Variants in SULT6B1 observed in about 807,000 individuals in gnomAD.
The protein encoded by SULT6B1 is sulfotransferase family 6B member 1.
In SULT6B1, 44 loss-of-function variants were observed where a neutral mutation model predicts 37.2. The observed-to-expected ratio is 1.18, with a 90% CI of 0.93 to 1.52. SULT6B1 has a LOEUF of 1.52. SULT6B1 is among the 40% of genes most tolerant of loss of function. The pLI is 0.00. For missense variants in SULT6B1, 450 were observed against 361.0 expected (o/e 1.25, Z -2.00); for synonymous variants, 140 against 126.0 (o/e 1.11, Z -0.74).
At chr2:37,170,580 C>T (rs1437526745) in intron 6 of SULT6B1, among the ~76,000 whole-genome samples, 2 of 151,378 alleles carry the variant, frequency 1.3e-5, no homozygotes, top group African/African-American at 4.9e-5. Context: ...ACCAGCCTGG[C>T]CAATATGGCA....
chr2:37,194,542 G>A (rs529424783), intron 1 of SULT6B1: 1 of 392,774 alleles, frequency 2.5e-6, no homozygotes, highest in Non-Finnish European at 5.0e-6. Flanking sequence ...TATTGAGCCT[G>A]GTATCAATGC....
intron 5 of SULT6B1, among the ~76,000 whole-genome samples, chr2:37,174,792 A>AGT (rs1676377928): frequency 1.7e-5 from 1 of 60,358 alleles, no homozygotes; most frequent in African/African-American, 6.7e-5. Context: ...ATTTTTAAAA[A>AGT]ATGACTGGAT....
intron 5 of SULT6B1, among the ~76,000 whole-genome samples, chr2:37,172,289 T>G (rs543805491): frequency 1.3e-5 from 2 of 152,098 alleles, no homozygotes; most frequent in African/African-American, 2.4e-5. Context: ...AATAGACCAG[T>G]GCATAATGTG....
upstream of SULT6B1, among the ~76,000 whole-genome samples, chr2:37,193,597 A>AAAGAAGAAAAG (rs1676827669): frequency 8.8e-6 from 1 of 113,796 alleles, no homozygotes; most frequent in Non-Finnish European, 1.7e-5. Context: ...AGAAGAAGAA[A>AAAGAAGAAAAG]AAGAAGAAGA....
In SULT6B1 at chr2:37,171,557, A is replaced by T; in HGVS notation, c.658T>A (p.Phe220Ile). ...TCCCCAGTTAGAAAGAATCCCAAGA[A>T]CTCAGCAATCTGTTTTATTCCAGCA... is the stretch of plus-strand genomic sequence containing the variant. ...LAAGIKQIAE[F>I]LGFFLTGEQI... Residue 220 changes from phenylalanine to isoleucine, a missense_variant, in exon 6 of 7, where the codon TTC becomes ATC. Phe to Ile is a conservative substitution (Grantham distance 21). Transcript: ENST00000535679. 1 of 1,613,968 alleles carries T rather than the reference A, an allele frequency of 6.2e-7. No individual in the cohort carries two copies. The highest frequency in any genetic ancestry group is 8.5e-7 in the Non-Finnish European group (1 of 1,179,966).
At chr2:37,185,485 G>A (rs1273832203) in intron 2 of SULT6B1, among the ~76,000 whole-genome samples, 5 of 152,108 alleles carry the variant, frequency 3.3e-5, no homozygotes, top group African/African-American at 1.2e-4. Context: ...GGGAGGCAGA[G>A]GAGGGTGGAT....
chr2:37,184,439 TGCCAGGATTAAGGGTTTTCACTTAC>T (rs1676625555), intron 2 of SULT6B1, among the ~76,000 whole-genome samples: 1 of 152,234 alleles, frequency 6.6e-6, no homozygotes, highest in Admixed American at 6.5e-5. Context: ...CTATTTAATC[TGCCAGGATTAAGGGTTTTCACTTAC>T]AATCAGACCA....
At chr2:37,182,253 A>ATTT (rs56665951) in intron 3 of SULT6B1, among the ~76,000 whole-genome samples, 115 of 137,448 alleles carry the variant, frequency 8.4e-4, no homozygotes, top group African/African-American at 2.9e-3. Context: ...CAGAAGTTAA[A>ATTT]TTTTTTTTTT....
At chr2:37,170,178 G>A (rs1676262458) in intron 6 of SULT6B1, among the ~76,000 whole-genome samples, 1 of 152,152 alleles carries the variant, frequency 6.6e-6, no homozygotes, top group African/African-American at 2.4e-5. Flanking sequence ...AATGTAAGAA[G>A]TCATTGGCCA....
upstream of SULT6B1, among the ~76,000 whole-genome samples, chr2:37,193,531 T>C (rs2148304473): frequency 6.7e-6 from 1 of 149,922 alleles, no homozygotes; most frequent in East Asian, 2.0e-4. Context: ...TTACCTTCTT[T>C]TCCTTTGTTT....
At chr2:37,175,704 T>C (rs1300747747) in intron 4 of SULT6B1, among the ~76,000 whole-genome samples, 1 of 152,222 alleles carries the variant, frequency 6.6e-6, no homozygotes. Context: ...TAACCCAGTT[T>C]ATCAAAAATA....
At chr2:37,185,313 G>A (rs1234569064) in intron 2 of SULT6B1, among the ~76,000 whole-genome samples, 1 of 152,110 alleles carries the variant, frequency 6.6e-6, no homozygotes, top group Non-Finnish European at 1.5e-5. Flanking sequence ...GCCCAAATGT[G>A]AGCAAAGACT....
At position 37,176,045 on chromosome 2, in the gene SULT6B1, C is replaced by T. The variant is rs571928334; in HGVS notation, c.530-819G>A. Among the ~76,000 whole-genome samples the T allele has an allele frequency of 6.6e-5, 10 of 152,160 alleles. No individual in the cohort carries two copies. In the South Asian group the frequency reaches 1.0e-3, roughly 16 times the overall value. On this transcript the variant is annotated intron_variant, in intron 4 of 6. Transcript: ENST00000535679. ...CATTCAAGTCCCATTTCAAGTGCTCCGTTGTCACATATGGTTAGTGGCCTA... is the reference window on the plus strand; with the variant it reads ...CATTCAAGTCCCATTTCAAGTGCTCTGTTGTCACATATGGTTAGTGGCCTA...
chr2:37,194,216 T>G (rs1264760500), intron 1 of SULT6B1, among the ~76,000 whole-genome samples: 1 of 151,918 alleles, frequency 6.6e-6, no homozygotes, highest in Non-Finnish European at 1.5e-5. Context: ...TTCTGTCACC[T>G]AGGGTGGAGT....
intron 5 of SULT6B1, among the ~76,000 whole-genome samples, chr2:37,173,757 A>G (rs1676355526): frequency 6.6e-6 from 1 of 151,234 alleles, no homozygotes; most frequent in Non-Finnish European, 1.5e-5. Context: ...CCAGAATCCA[A>G]CCTCTTCTCA....
chr2:37,195,176 C>T (rs1322482535), intron 1 of SULT6B1, among the ~76,000 whole-genome samples: 2 of 152,090 alleles, frequency 1.3e-5, no homozygotes, highest in African/African-American at 4.8e-5. Context: ...TCTTGAACTC[C>T]TGACCTCAGG....
intron 1 of SULT6B1, among the ~76,000 whole-genome samples, chr2:37,188,121 C>T (rs1676711880): frequency 6.6e-6 from 1 of 152,220 alleles, no homozygotes; most frequent in African/African-American, 2.4e-5. Flanking sequence ...ATCACTGCTA[C>T]TGTCACTGTT....
intron 2 of SULT6B1, among the ~76,000 whole-genome samples, chr2:37,185,981 T>C (rs1250335240): frequency 6.6e-6 from 1 of 152,144 alleles, no homozygotes; most frequent in African/African-American, 2.4e-5. Flanking sequence ...CCCTGCTCCT[T>C]TGTTGCCAAC....
At chr2:37,192,395 G>T (rs911590113), upstream of SULT6B1, among the ~76,000 whole-genome samples, 1 of 152,140 alleles carries the variant, frequency 6.6e-6, no homozygotes, top group African/African-American at 2.4e-5. Flanking sequence ...GCTAGGCACA[G>T]GTATCCGGGT....
Sources: gnomAD v4.1 joint callset for allele counts (sites outside exome capture counted in the v4.1 genomes callset) on GRCh38, gnomAD v4.1.1 for gene constraint, MANE v1.5 for transcripts, NCBI Gene and HGNC (gene_info 2026-07-23, HGNC 2026-07-21) for gene names.